Variants in FAF2 observed in about 807,000 individuals in gnomAD.
FAF2 encodes FAS-associated factor 2.
A neutral mutation model predicts 62.3 loss-of-function variants in FAF2; 9 were observed. That is an observed-to-expected ratio of 0.14 (90% CI 0.09 to 0.25). FAF2 has a LOEUF of 0.25. Among genes scored for constraint, FAF2 ranks in the 10% least tolerant of loss-of-function variants. The pLI is 1.00. For missense variants in FAF2, 368 were observed against 556.2 expected (o/e 0.66, Z 3.40); for synonymous variants, 202 against 198.0 (o/e 1.02, Z -0.17).
At chr5:176,499,382 C>T (rs536432857) in intron 9 of FAF2, among the ~76,000 whole-genome samples, 3 of 152,298 alleles carry the variant, frequency 2.0e-5, no homozygotes, top group Admixed American at 1.3e-4. Context: ...CTGTCTTGGC[C>T]TTCCAAAGTG....
Position 176,508,099 on chromosome 5 carries a change from G to A in FAF2, c.*1149G>A, listed in dbSNP as rs1755715459. The A allele has an allele frequency of 6.6e-6, 1 of 152,646 alleles. No homozygotes were observed. Among genetic ancestry groups the A allele is most frequent in the African/African-American group, 2.4e-5 (1 of 41,452 alleles). The allele number at this position is 152,646 out of a possible 1,614,324, so 9.5% of individuals were successfully genotyped here. On this transcript the variant is annotated 3_prime_UTR_variant, in exon 11 of 11. Transcript: ENST00000261942. Reference sequence around the variant, plus strand: ...GAAGGGAGCCAAGACAGAACTCCCAGCCTGTGTAATCTATTGGAAGGCACA... The same window carrying A: ...GAAGGGAGCCAAGACAGAACTCCCAACCTGTGTAATCTATTGGAAGGCACA...
At chr5:176,449,207 G>T (rs1199424237) in intron 1 of FAF2, among the ~76,000 whole-genome samples, 1 of 152,214 alleles carries the variant, frequency 6.6e-6, no homozygotes, top group Non-Finnish European at 1.5e-5. Context: ...GAGAATGGTT[G>T]GAGGATACCA....
At chr5:176,474,957 G>C (rs1035352004) in intron 1 of FAF2, among the ~76,000 whole-genome samples, 4 of 151,976 alleles carry the variant, frequency 2.6e-5, no homozygotes, top group Non-Finnish European at 5.9e-5. Flanking sequence ...TTATTTCTAG[G>C]GCATAGTTTT....
At chr5:176,473,318 T>C (rs757464836) in intron 1 of FAF2, among the ~76,000 whole-genome samples, 41 of 152,184 alleles carry the variant, frequency 2.7e-4, no homozygotes, top group Non-Finnish European at 3.7e-4. Flanking sequence ...TCAATTGATA[T>C]TTGCCTAATG....
chr5:176,499,719 G>A (rs949844152), intron 9 of FAF2, among the ~76,000 whole-genome samples: 3 of 151,860 alleles, frequency 2.0e-5, no homozygotes, highest in Non-Finnish European at 4.4e-5. Flanking sequence ...AAACTCTTGG[G>A]CTTAAGAAGT....
chr5:176,496,527 A>C lies in FAF2; in HGVS notation c.703A>C (p.Met235Leu). ...LRENTYPFLA[M>L]IMLKDRRMTV... ...AGAGAACACCTATCCATTCCTGGCC[A>C]TGATTATGCTGAAGGATCGAAGGAT... The change falls in exon 8 of 11, where the codon ATG becomes CTG. Residue 235 changes from methionine (M) to leucine (L), a missense_variant. Met to Leu is a conservative substitution (Grantham distance 15). Around this residue, in one of 2 missense-constraint regions of FAF2, gnomAD observed 331 missense variants for 441.9 expected, o/e 0.75. Transcript: ENST00000261942. The C allele has an allele frequency of 6.2e-7, 1 of 1,611,488 alleles. No homozygotes were observed. Among genetic ancestry groups the C allele is most frequent in the Non-Finnish European group, 8.5e-7 (1 of 1,178,800 alleles).
Position 176,507,000 on chromosome 5 carries a change from G to T in FAF2, c.*50G>T. 4 of 1,275,232 alleles carry T rather than the reference G, an allele frequency of 3.1e-6. No homozygotes were observed. The highest frequency in any genetic ancestry group is 2.0e-6 in the Non-Finnish European group (2 of 981,494). The allele number at this position is 1,275,232 out of a possible 1,614,324, so 79.0% of individuals were successfully genotyped here. A position where few individuals can be genotyped will look rare whatever the true frequency, so the allele number is the denominator to read the frequency against. On this transcript the variant is annotated 3_prime_UTR_variant, in exon 11 of 11. Transcript: ENST00000261942. ...TACCCCAGTCCCTAAAAGAAATGGG[G>T]AAAAAAGAAAACAACAGCAAGTCAG...
intron 4 of FAF2, 57 bp from the exon 5 acceptor site, chr5:176,492,137 A>G: frequency 6.2e-7 from 1 of 1,609,052 alleles, no homozygotes; most frequent in Non-Finnish European, 8.5e-7. Flanking sequence ...AAATTGGCCC[A>G]CTCGATATGC....
chr5:176,501,692 C>T (rs1581076697), intron 10 of FAF2, among the ~76,000 whole-genome samples: 1 of 151,900 alleles, frequency 6.6e-6, no homozygotes, highest in East Asian at 1.9e-4. Flanking sequence ...AAGCAAATAG[C>T]TTCCTTGTTT....
intron 1 of FAF2, among the ~76,000 whole-genome samples, chr5:176,472,719 CAAAAAA>C (rs66911150): frequency 1.8e-5 from 2 of 108,518 alleles, no homozygotes; most frequent in Non-Finnish European, 3.9e-5. Flanking sequence ...TTCATCTCTA[CAAAAAA>C]AAAAAAAAAA....
chr5:176,450,356 T>A (rs1173035371), intron 1 of FAF2, among the ~76,000 whole-genome samples: 1 of 152,054 alleles, frequency 6.6e-6, no homozygotes, highest in African/African-American at 2.4e-5. Flanking sequence ...AATTTCAGAG[T>A]GTTGTTTAAC....
At chr5:176,467,546 G>A (rs1439986337) in intron 1 of FAF2, among the ~76,000 whole-genome samples, 1 of 152,150 alleles carries the variant, frequency 6.6e-6, no homozygotes, top group Non-Finnish European at 1.5e-5. Flanking sequence ...TGGCCAGGCT[G>A]GTCTCAAATT....
intron 7 of FAF2, among the ~76,000 whole-genome samples, chr5:176,496,059 T>C (rs1328410337): frequency 1.3e-5 from 2 of 152,164 alleles, no homozygotes; most frequent in Non-Finnish European, 2.9e-5. Flanking sequence ...GTAGACATTA[T>C]CCTTAAACTC....
chr5:176,465,134 G>A (rs1394044681), intron 1 of FAF2, among the ~76,000 whole-genome samples: 1 of 151,970 alleles, frequency 6.6e-6, no homozygotes, highest in Non-Finnish European at 1.5e-5. Flanking sequence ...CAAGTGATCT[G>A]GCCGCTTCAG....
intron 10 of FAF2, among the ~76,000 whole-genome samples, chr5:176,502,947 C>A (rs946314344): frequency 6.6e-6 from 1 of 151,846 alleles, no homozygotes. Flanking sequence ...ACTCGGGAGG[C>A]TGAGGCAGGA....
intron 10 of FAF2, among the ~76,000 whole-genome samples, chr5:176,505,944 A>C (rs1471498881): frequency 6.6e-6 from 1 of 152,088 alleles, no homozygotes; most frequent in African/African-American, 2.4e-5. Flanking sequence ...TAATCCCAGC[A>C]CTTTGGGAGG....
Position 176,463,192 on chromosome 5 carries a change from G to A in FAF2, c.63+14722G>A, listed in dbSNP as rs551089211. On this transcript the variant is annotated intron_variant, in intron 1 of 10. Transcript: ENST00000261942. The stretch of plus-strand genomic sequence containing the variant: ...GTGGATCACCTGAGGTCAGGAATTT[G>A]AGACCTGCCTGGCCAACATAGCAAA... 5.3e-5 allele frequency among the ~76,000 whole-genome samples: 8 copies of A among 152,092 alleles called. No individual in the cohort carries two copies. The East Asian group carries it at 1.5e-3, about 29-fold the overall frequency.
chr5:176,479,395 G>T, intron 2 of FAF2, 139 bp downstream of exon 2: 1 of 684,018 alleles, frequency 1.5e-6, no homozygotes, highest in Non-Finnish European at 2.5e-6. Context: ...GTGCAGGAAG[G>T]TAAAGAATGT....
At chr5:176,462,602 G>A (rs1758397874) in intron 1 of FAF2, among the ~76,000 whole-genome samples, 1 of 152,104 alleles carries the variant, frequency 6.6e-6, no homozygotes, top group Admixed American at 6.6e-5. Flanking sequence ...CCAGCCTAAC[G>A]ACAGAGCAAG....
Sources: allele counts gnomAD v4.1 joint callset (sites outside exome capture counted in the v4.1 genomes callset), GRCh38; gene constraint gnomAD v4.1.1; regional missense constraint gnomAD v4.1.1; transcripts MANE v1.5; gene names NCBI Gene and HGNC (gene_info 2026-07-23, HGNC 2026-07-21).